ZNF133: variants seen among roughly 807,000 people sequenced by gnomAD.
ZNF133 encodes zinc finger protein 133, also known as zinc finger protein 133 (clone pHZ-13).
In ZNF133, 26 loss-of-function variants were observed where a neutral mutation model predicts 54.9. The observed-to-expected ratio is 0.47, with a 90% CI of 0.35 to 0.66. The LOEUF (loss-of-function observed/expected upper bound fraction) is 0.66. Ranked by LOEUF, ZNF133 falls within the 30% of genes least tolerant of loss-of-function variation. ZNF133 has a pLI of 0.01. For synonymous variants in ZNF133, 298 were observed against 320.3 expected (o/e 0.93, Z 0.74); for missense variants, 653 against 820.8 (o/e 0.80, Z 2.50).
Position 18,298,077 on chromosome 20 carries a change from T to C in ZNF133, c.-354+15T>C, listed in dbSNP as rs1387798791. The C allele has an allele frequency of 1.3e-6, 2 of 1,535,502 alleles. No individual in the cohort carries two copies. The highest frequency in any genetic ancestry group is 1.7e-6 in the Non-Finnish European group (2 of 1,146,772). On this transcript the variant is annotated intron_variant, in intron 2 of 6. Transcript: ENST00000425686. ...CCAGGGGAATGGTGAGTGTTTCCTG[T>C]CTCCATTACTGGCTGTAACAGGATG...
chr20:18,297,404 G>A (rs1011604285), intron 1 of ZNF133, among the ~76,000 whole-genome samples: 4 of 151,552 alleles, frequency 2.6e-5, no homozygotes, highest in Non-Finnish European at 5.9e-5. Context: ...TCTATTCTTA[G>A]TTTTTGAATT....
chr20:18,316,871 G>C lies in ZNF133; in HGVS notation c.*55G>C. ...CAGAATGTTGACACTTTGATGAAAT[G>C]GAGTAGAGAAATGCATTCTGTAAGT... On this transcript the variant is annotated 3_prime_UTR_variant, in exon 7 of 7. Transcript: ENST00000425686. 2 of 1,525,742 alleles carry C rather than the reference G, an allele frequency of 1.3e-6. No individual in the cohort carries two copies. The highest frequency in any genetic ancestry group is 1.8e-6 in the Non-Finnish European group (2 of 1,137,388). 94.5% of individuals were successfully genotyped at this position (1,525,742 alleles called of 1,614,324 possible). A position where few individuals can be genotyped will look rare whatever the true frequency, so the allele number is the denominator to read the frequency against.
Position 18,291,709 on chromosome 20 carries a change from AT to A in ZNF133, c.-432+3122del, listed in dbSNP as rs35116436. ...TCTCCTTCTTCACATTTCCAGTTGG[AT>A]TTTTTTTTTTTTTTTTAGTGAGACA... On this transcript the variant is annotated intron_variant, in intron 1 of 6. Coordinates refer to ENST00000425686, the MANE Select transcript of ZNF133 (RefSeq NM_001352452.2). 3.3e-3 allele frequency among the ~76,000 whole-genome samples: 452 copies of A among 138,740 alleles called. 1 individual carries two copies. The highest frequency in any genetic ancestry group is 0.019 in the Middle Eastern group (5 of 268). 91.0% of individuals were successfully genotyped at this position (138,740 alleles called of 152,430 possible). A position where few individuals can be genotyped will look rare whatever the true frequency, so the allele number is the denominator to read the frequency against.
At position 18,305,889 on chromosome 20, in the gene ZNF133, A is replaced by G. The variant is rs2044455811; in HGVS notation, c.121+82A>G. 6.5e-7 allele frequency: 1 copy of G among 1,529,448 alleles called. No homozygotes were observed. The allele number at this position is 1,529,448 out of a possible 1,614,324, so 94.7% of individuals were successfully genotyped here. The stretch of plus-strand genomic sequence containing the variant: ...CTTGAAGCAGCCATCTTGCTTTGTT[A>G]CTTGACCTTTGGGTTGGACCAAAAA... On this transcript the variant is annotated intron_variant, in intron 5 of 6. Transcript: ENST00000425686. The surrounding 1 kb of genome is among the most constrained non-coding windows in gnomAD (Gnocchi z 4.7).
chr20:18,295,395 A>G (rs1453521052), intron 1 of ZNF133: 2 of 152,468 alleles, frequency 1.3e-5, no homozygotes, highest in African/African-American at 4.8e-5. Context: ...GATCAGCTGG[A>G]TCAACACTGG....
At position 18,316,255 on chromosome 20, in the gene ZNF133, C is replaced by T. The variant is rs2047440198; in HGVS notation, c.1404C>T (p.Cys468=). ...ACTCAGGAGAGAAGCCCATTGTGTG[C>T]AAGGACTGTGGCCGGGGCTTCAGCC... ...NIHSGEKPIV[C]KDCGRGFSQQ... is the part of the protein sequence containing the mutation. Residue 468 remains cysteine (C), a synonymous_variant, in exon 7 of 7, where the codon TGC becomes TGT. Coordinates refer to ENST00000425686, the MANE Select transcript of ZNF133 (RefSeq NM_001352452.2). The T allele has an allele frequency of 6.2e-7, 1 of 1,610,090 alleles. No individual in the cohort carries two copies. Among genetic ancestry groups the T allele is most frequent in the Non-Finnish European group, 8.5e-7 (1 of 1,178,170 alleles).
At chr20:18,312,829 C>A (rs565269450) in intron 6 of ZNF133, 2 of 152,326 alleles carry the variant, frequency 1.3e-5, no homozygotes, top group African/African-American at 4.8e-5. Context: ...CCTGCCTCAG[C>A]GTCCTGGGTA....
chr20:18,312,639 G>A (rs940108646), intron 6 of ZNF133: 3 of 152,216 alleles, frequency 2.0e-5, no homozygotes, highest in Non-Finnish European at 4.4e-5. Flanking sequence ...CAGAGCCAGA[G>A]CTTCAGCTGC....
intron 6 of ZNF133, among the ~76,000 whole-genome samples, chr20:18,309,243 G>A (rs1015326092): frequency 6.6e-6 from 1 of 152,164 alleles, no homozygotes; most frequent in Non-Finnish European, 1.5e-5. Flanking sequence ...TTCAACATAA[G>A]AATTTGGGGG....
chr20:18,305,524 T>C lies in ZNF133; in HGVS notation c.-6-157T>C. The C allele has an allele frequency of 1.9e-6, 2 of 1,075,210 alleles. No homozygotes were observed. The highest frequency in any genetic ancestry group is 3.2e-5 in the South Asian group (2 of 62,166). The allele number at this position is 1,075,210 out of a possible 1,614,324, so 66.6% of individuals were successfully genotyped here. A position where few individuals can be genotyped will look rare whatever the true frequency, so the allele number is the denominator to read the frequency against. On this transcript the variant is annotated intron_variant, in intron 4 of 6. Coordinates refer to ENST00000425686, the MANE Select transcript of ZNF133 (RefSeq NM_001352452.2). This position sits in a 1 kb window ranked among gnomAD's most constrained non-coding sequence, Gnocchi z 4.7. Reference sequence around the variant, plus strand: ...GGTTCACAAATGCCACTGGCTGGATTGAGACAGGGATTTAAAAGTCTTGGA... The same window carrying C: ...GGTTCACAAATGCCACTGGCTGGATCGAGACAGGGATTTAAAAGTCTTGGA...
In ZNF133 at chr20:18,305,145, G is replaced by A; in HGVS notation, c.-40G>A. 1.0e-6 allele frequency: 1 copy of A among 987,282 alleles called. No individual in the cohort carries two copies. Among genetic ancestry groups the A allele is most frequent in the Non-Finnish European group, 1.2e-6 (1 of 831,394 alleles). 61.2% of individuals were successfully genotyped at this position (987,282 alleles called of 1,614,324 possible). A position where few individuals can be genotyped will look rare whatever the true frequency, so the allele number is the denominator to read the frequency against. ...TGGTGAGCACTCACAGTCTAAGGCT[G>A]GAAGTTTAATGAACTGTTTTCTACA... On this transcript the variant is annotated 5_prime_UTR_variant, in exon 4 of 7. Transcript: ENST00000425686. This position sits in a 1 kb window ranked among gnomAD's most constrained non-coding sequence, Gnocchi z 4.7.
At chr20:18,308,036 T>G (rs1055454107) in intron 6 of ZNF133, among the ~76,000 whole-genome samples, 1 of 152,210 alleles carries the variant, frequency 6.6e-6, no homozygotes, top group Non-Finnish European at 1.5e-5. Context: ...TCCATATGTT[T>G]ATGTGAACAT....
Position 18,316,087 on chromosome 20 carries a change from C to T in ZNF133, c.1236C>T (p.Cys412=), listed in dbSNP as rs2424156. The change falls in exon 7 of 7, where the codon TGC becomes TGT. Residue 412 remains cysteine (C), a synonymous_variant. Coordinates refer to ENST00000425686, the MANE Select transcript of ZNF133 (RefSeq NM_001352452.2). ...ACTCAAAGGAGAAGCCCTATGTGTGCGGGGTGTGTGGGCACAGCTTCAGCC... is the reference window on the plus strand; with the variant it reads ...ACTCAAAGGAGAAGCCCTATGTGTGTGGGGTGTGTGGGCACAGCTTCAGCC... The part of the protein sequence containing the change: ...RTHSKEKPYV[C]GVCGHSFSQN... 2,011 of 1,613,056 alleles carry T rather than the reference C, an allele frequency of 1.2e-3. 29 individuals carry two copies. The African/African-American group carries it at 0.022, about 18-fold the overall frequency.
At chr20:18,308,519 T>C (rs2045175920) in intron 6 of ZNF133, among the ~76,000 whole-genome samples, 1 of 152,250 alleles carries the variant, frequency 6.6e-6, no homozygotes, top group Admixed American at 6.5e-5. Flanking sequence ...AGGATATTTT[T>C]ATCTTACTCA....
chr20:18,314,242 T>C (rs1472004028), intron 6 of ZNF133: 1 of 152,232 alleles, frequency 6.6e-6, no homozygotes, highest in Non-Finnish European at 1.5e-5. Flanking sequence ...TCGTTACTCA[T>C]ATTGCCTGGT....
chr20:18,289,669 T>G (rs1276006542), intron 1 of ZNF133, among the ~76,000 whole-genome samples: 1 of 152,176 alleles, frequency 6.6e-6, no homozygotes, highest in Non-Finnish European at 1.5e-5. Flanking sequence ...TCTATCGTAT[T>G]GGGTTGTTGA....
intron 1 of ZNF133, among the ~76,000 whole-genome samples, chr20:18,296,433 C>T (rs773718807): frequency 7.9e-5 from 12 of 152,154 alleles, no homozygotes; most frequent in Admixed American, 1.3e-4. Context: ...ACTCCATACC[C>T]GTTAAACAAT....
chr20:18,305,146 G>C lies in ZNF133; in HGVS notation c.-39G>C. The C allele has an allele frequency of 1.0e-6, 1 of 987,216 alleles. No homozygotes were observed. Among genetic ancestry groups the C allele is most frequent in the African/African-American group, 1.7e-5 (1 of 57,342 alleles). The allele number at this position is 987,216 out of a possible 1,614,324, so 61.2% of individuals were successfully genotyped here. A position where few individuals can be genotyped will look rare whatever the true frequency, so the allele number is the denominator to read the frequency against. The stretch of plus-strand genomic sequence containing the variant: ...GGTGAGCACTCACAGTCTAAGGCTG[G>C]AAGTTTAATGAACTGTTTTCTACAT... On this transcript the variant is annotated 5_prime_UTR_variant, in exon 4 of 7. Coordinates refer to ENST00000425686, the MANE Select transcript of ZNF133 (RefSeq NM_001352452.2). The surrounding 1 kb of genome is among the most constrained non-coding windows in gnomAD (Gnocchi z 4.7).
At chr20:18,314,204 T>C (rs1201160026) in intron 6 of ZNF133, 1 of 152,232 alleles carries the variant, frequency 6.6e-6, no homozygotes, top group African/African-American at 2.4e-5. Flanking sequence ...GAAAAGAGCA[T>C]TCGGGTAGAT....
Sources: allele counts gnomAD v4.1 joint callset (sites outside exome capture counted in the v4.1 genomes callset), GRCh38; gene constraint gnomAD v4.1.1; non-coding constraint Gnocchi (gnomAD v3.1); transcripts MANE v1.5; gene names NCBI Gene and HGNC (gene_info 2026-07-23, HGNC 2026-07-21).